Variants in ZFHX3 observed in about 807,000 individuals in gnomAD.
ZFHX3 encodes the protein zinc finger homeobox 3.
A neutral mutation model predicts 279.1 loss-of-function variants in ZFHX3; 42 were observed. The observed-to-expected ratio is 0.15, with a 90% CI of 0.12 to 0.19. The LOEUF is 0.19. ZFHX3 is among the 10% of genes least tolerant of loss of function. The probability of loss-of-function intolerance (pLI) is 1.00; values close to 1 mark genes in which losing one functional copy is unlikely to be tolerated. For missense variants in ZFHX3, 4,981 were observed against 4,754.0 expected (o/e 1.05, Z -1.40); for synonymous variants, 2,293 against 1,957.8 (o/e 1.17, Z -4.52).
intron 3 of ZFHX3, among the ~76,000 whole-genome samples, chr16:73,356,952 C>T (rs748396688): frequency 1.3e-5 from 2 of 151,718 alleles, no homozygotes; most frequent in Non-Finnish European, 2.9e-5. Flanking sequence ...GGGATTTCCT[C>T]CTCCCTCGGG....
chr16:73,101,165 C>A (rs182398285), intron 7 of ZFHX3, among the ~76,000 whole-genome samples: 27 of 152,286 alleles, frequency 1.8e-4, no homozygotes, highest in African/African-American at 6.5e-4. Context: ...TCCTCTCCAA[C>A]CTGTTTGTAC....
intron 3 of ZFHX3, among the ~76,000 whole-genome samples, chr16:73,410,334 T>C (rs986071515): frequency 6.6e-6 from 1 of 152,150 alleles, no homozygotes; most frequent in Non-Finnish European, 1.5e-5. Flanking sequence ...GAGAATCACT[T>C]GAACCCGGGA....
chr16:73,436,699 C>A (rs1335840760), intron 3 of ZFHX3, among the ~76,000 whole-genome samples: 1 of 151,904 alleles, frequency 6.6e-6, no homozygotes, highest in Non-Finnish European at 1.5e-5. Context: ...CAGGACCTCC[C>A]CTTGCTTTGG....
intron 2 of ZFHX3, among the ~76,000 whole-genome samples, chr16:73,678,766 G>A (rs1415504732): frequency 6.6e-6 from 1 of 152,142 alleles, no homozygotes; most frequent in Non-Finnish European, 1.5e-5. Flanking sequence ...CTGGACAGGA[G>A]TTTTTCATTT....
chr16:72,908,831 T>G (rs1226564374), intron 3 of ZFHX3, among the ~76,000 whole-genome samples: 2 of 152,212 alleles, frequency 1.3e-5, no homozygotes, highest in Non-Finnish European at 2.9e-5. Flanking sequence ...GGGAAACACT[T>G]TGTCTTTGTA....
intron 3 of ZFHX3, among the ~76,000 whole-genome samples, chr16:73,451,805 A>G (rs1441778761): frequency 1.3e-5 from 2 of 152,256 alleles, no homozygotes; most frequent in Non-Finnish European, 2.9e-5. Context: ...GACTATAACA[A>G]TAACATACAC....
chr16:73,253,983 G>T (rs1372785420), intron 5 of ZFHX3, among the ~76,000 whole-genome samples: 1 of 152,146 alleles, frequency 6.6e-6, no homozygotes, highest in African/African-American at 2.4e-5. Flanking sequence ...AAGATAAGCT[G>T]CTCTGGAAGC....
At chr16:73,066,597 G>A (rs1001186626) in intron 8 of ZFHX3, among the ~76,000 whole-genome samples, 2 of 151,340 alleles carry the variant, frequency 1.3e-5, no homozygotes, top group Non-Finnish European at 3.0e-5. Context: ...GATGGGCGGG[G>A]AAACAGGCCC....
chr16:73,373,622 T>G (rs2016671472), intron 3 of ZFHX3, among the ~76,000 whole-genome samples: 1 of 152,320 alleles, frequency 6.6e-6, no homozygotes, highest in East Asian at 1.9e-4. Flanking sequence ...GTATAGGTTC[T>G]GCTAAGGACA....
chr16:73,182,676 T>A (rs1967823764), intron 5 of ZFHX3, among the ~76,000 whole-genome samples: 1 of 152,192 alleles, frequency 6.6e-6, no homozygotes, highest in South Asian at 2.1e-4. Flanking sequence ...AAAGAAAATG[T>A]GTGTATATAC....
chr16:73,124,158 C>T lies in ZFHX3; in HGVS notation c.-897+6810G>A, dbSNP rs116222229. 6.8e-3 allele frequency among the ~76,000 whole-genome samples: 1,036 copies of T among 152,222 alleles called. 15 individuals carry two copies. Among genetic ancestry groups the T allele is most frequent in the African/African-American group, 0.024 (986 of 41,514 alleles). ...TATAATAGTGTGTTTTGGCCTGTTC[C>T]GGCTGCCGTAACAAAATACCATAAA... On this transcript the variant is annotated intron_variant, in intron 7 of 17. Transcript: ENST00000641206.
intron 3 of ZFHX3, among the ~76,000 whole-genome samples, chr16:72,898,177 C>G (rs1267810127): frequency 6.6e-6 from 1 of 152,170 alleles, no homozygotes; most frequent in Non-Finnish European, 1.5e-5. Context: ...TGCTCAAGCT[C>G]TCGTCCTTGA....
At chr16:73,250,614 AG>A (rs1410514899) in intron 5 of ZFHX3, among the ~76,000 whole-genome samples, 2 of 152,078 alleles carry the variant, frequency 1.3e-5, no homozygotes, top group Admixed American at 1.3e-4. Context: ...GCTCACTGCA[AG>A]CTCCAGCTCC....
chr16:73,737,193 C>G (rs1282160355), intron 1 of ZFHX3, among the ~76,000 whole-genome samples: 1 of 152,050 alleles, frequency 6.6e-6, no homozygotes, highest in Non-Finnish European at 1.5e-5. Flanking sequence ...GCTACCACAC[C>G]CAGTTATTTT....
intron 2 of ZFHX3, among the ~76,000 whole-genome samples, chr16:73,678,746 G>C (rs926418983): frequency 1.3e-5 from 2 of 152,034 alleles, no homozygotes; most frequent in Admixed American, 6.6e-5. Flanking sequence ...GTATATATTC[G>C]CTCTGTGCAC....
At chr16:73,623,279 G>A (rs373818462) in intron 2 of ZFHX3, among the ~76,000 whole-genome samples, 146 of 152,148 alleles carry the variant, frequency 9.6e-4, no homozygotes, top group African/African-American at 3.1e-3. Context: ...CTCGTGATCC[G>A]CCCGCCTCGG....
intron 3 of ZFHX3, among the ~76,000 whole-genome samples, chr16:73,382,605 T>C (rs1406742119): frequency 3.3e-5 from 5 of 152,024 alleles, no homozygotes; most frequent in Non-Finnish European, 5.9e-5. Flanking sequence ...CTGGCTGGAA[T>C]GTTTTTGCAG....
In ZFHX3 at chr16:73,852,867, C is replaced by G. The variant is rs1434540134; in HGVS notation, c.-1608+38784G>C. Among the ~76,000 whole-genome samples, 3 of 152,124 alleles carry G rather than the reference C, an allele frequency of 2.0e-5. No individual in the cohort carries two copies. In the East Asian group the frequency reaches 5.8e-4, roughly 29 times the overall value. On this transcript the variant is annotated intron_variant, in intron 1 of 17. Coordinates refer to the ZFHX3 transcript ENST00000641206. ...CTGCACAGCAAAGGAAATAACAGAG[C>G]AAACAGACAACAGAAGGGGGAAAAA...
At position 73,808,017 on chromosome 16, in the gene ZFHX3, G is replaced by A. The variant is rs190800250; in HGVS notation, c.-1608+83634C>T. The stretch of plus-strand genomic sequence containing the variant: ...AAATGGAAGATTCAGGGTTCAAAAC[G>A]AGGGTATAATGTCCATGCTAGAGGG... On this transcript the variant is annotated intron_variant, in intron 1 of 17. Coordinates refer to the ZFHX3 transcript ENST00000641206. 1.6e-4 allele frequency among the ~76,000 whole-genome samples: 24 copies of A among 152,144 alleles called. No homozygotes were observed. In the East Asian group the frequency reaches 4.3e-3, roughly 27 times the overall value.
Sources: allele counts gnomAD v4.1 joint callset (sites outside exome capture counted in the v4.1 genomes callset), GRCh38; gene constraint gnomAD v4.1.1; transcripts MANE v1.5; gene names NCBI Gene and HGNC (gene_info 2026-07-23, HGNC 2026-07-21).